Variants in UNC13C observed in about 807,000 individuals in gnomAD.
UNC13C encodes the protein unc-13 homolog C.
UNC13C carries 174 observed loss-of-function variants against 245.4 expected under a neutral mutation model. The ratio of observed to expected loss-of-function variants is 0.71; its 90% CI spans 0.63 to 0.80. UNC13C has a LOEUF of 0.80. Among genes scored for constraint, UNC13C ranks in the 30% least tolerant of loss-of-function variants. The pLI is 0.00. For missense variants in UNC13C, 2,829 were observed against 2,602.9 expected (o/e 1.09, Z -1.89); for synonymous variants, 992 against 895.1 (o/e 1.11, Z -1.93).
At chr15:54,164,482 A>G (rs1030755000) in intron 4 of UNC13C, among the ~76,000 whole-genome samples, 5 of 152,178 alleles carry the variant, frequency 3.3e-5, no homozygotes, top group African/African-American at 1.2e-4. Context: ...GATGCTATAA[A>G]TAAGTAAAAA....
chr15:54,071,511 T>C (rs748790512), intron 2 of UNC13C, among the ~76,000 whole-genome samples: 2 of 152,080 alleles, frequency 1.3e-5, no homozygotes, highest in African/African-American at 4.8e-5. Flanking sequence ...AGAGGTACCA[T>C]ACACAAAAAA....
intron 30 of UNC13C, among the ~76,000 whole-genome samples, chr15:54,600,115 C>A (rs1272703333): frequency 6.6e-6 from 1 of 152,076 alleles, no homozygotes; most frequent in African/African-American, 2.4e-5. Flanking sequence ...CATTCCTACT[C>A]TCCAGAGTAG....
At chr15:53,922,450 A>G in the UNC13C span, among the ~76,000 whole-genome samples, 20 of 152,260 alleles carry the variant, frequency 1.3e-4, no homozygotes, top group Non-Finnish European at 1.5e-5. Flanking sequence ...CAATGGGGGC[A>G]AATGGCTAAT....
At chr15:54,553,600 G>T (rs866430929) in intron 28 of UNC13C, among the ~76,000 whole-genome samples, 3 of 149,672 alleles carry the variant, frequency 2.0e-5, no homozygotes, top group Non-Finnish European at 3.0e-5. Flanking sequence ...TCAGGAACTG[G>T]TGATATAATA....
chr15:54,042,165 G>T (rs1394737697), intron 2 of UNC13C, among the ~76,000 whole-genome samples: 4 of 152,088 alleles, frequency 2.6e-5, no homozygotes, highest in African/African-American at 9.7e-5. Flanking sequence ...CCAAGATAAG[G>T]AATACTCAAC....
At chr15:54,453,159 C>T (rs1891276902) in intron 19 of UNC13C, among the ~76,000 whole-genome samples, 1 of 152,160 alleles carries the variant, frequency 6.6e-6, no homozygotes. Flanking sequence ...CTGTTTATCT[C>T]CGTGCCCACA....
At chr15:53,901,330 C>G in the UNC13C span, among the ~76,000 whole-genome samples, 8 of 151,352 alleles carry the variant, frequency 5.3e-5, no homozygotes, top group Non-Finnish European at 2.9e-5. Flanking sequence ...TGCCATTCTC[C>G]TGCTTCAGCC....
chr15:54,460,916 G>T (rs570318873), intron 19 of UNC13C, among the ~76,000 whole-genome samples: 1 of 152,158 alleles, frequency 6.6e-6, no homozygotes, highest in East Asian at 1.9e-4. Context: ...TGTTGTAATA[G>T]TTATAAATTA....
intron 4 of UNC13C, among the ~76,000 whole-genome samples, chr15:54,187,664 T>A (rs561219186): frequency 1.2e-4 from 19 of 152,286 alleles, no homozygotes; most frequent in African/African-American, 4.3e-4. Context: ...ACAACATGAT[T>A]TTTTTCTATA....
At chr15:54,591,356 A>T (rs1289037868) in intron 30 of UNC13C, among the ~76,000 whole-genome samples, 1 of 152,126 alleles carries the variant, frequency 6.6e-6, no homozygotes, top group Non-Finnish European at 1.5e-5. Flanking sequence ...ATAGTGTCAA[A>T]AGGATTGGTA....
chr15:54,452,903 T>A (rs1359187828), intron 19 of UNC13C, among the ~76,000 whole-genome samples: 1 of 152,180 alleles, frequency 6.6e-6, no homozygotes, highest in Admixed American at 6.5e-5. Context: ...GTGGCTCACA[T>A]TTAGCCCAGG....
intron 32 of UNC13C, among the ~76,000 whole-genome samples, 190 bp downstream of exon 32, chr15:54,624,144 T>TATCATAGGAGGTGTCTGAATCA (rs532081195): frequency 1.9e-3 from 294 of 152,294 alleles, no homozygotes; most frequent in African/African-American, 6.9e-3. Context: ...TAGGTGTATA[T>TATCATAGGAGGTGTCTGAATCA]ATCATAGGAG....
intron 17 of UNC13C, among the ~76,000 whole-genome samples, chr15:54,348,470 A>C (rs902789614): frequency 2.0e-5 from 3 of 152,186 alleles, no homozygotes; most frequent in Non-Finnish European, 4.4e-5. Flanking sequence ...TGCAGAGATC[A>C]ATTAATGCTT....
At chr15:54,252,217 C>A (rs959287322) in intron 8 of UNC13C, among the ~76,000 whole-genome samples, 1 of 151,954 alleles carries the variant, frequency 6.6e-6, no homozygotes, top group East Asian at 1.9e-4. Flanking sequence ...AAAAATGATG[C>A]CACTCATACC....
chr15:53,893,861 C>A, the UNC13C span, among the ~76,000 whole-genome samples: 1 of 152,146 alleles, frequency 6.6e-6, no homozygotes, highest in Non-Finnish European at 1.5e-5. Flanking sequence ...GGGGAGTGAA[C>A]GGTTCCGTCT....
chr15:54,161,618 A>G (rs1008881399), intron 4 of UNC13C, among the ~76,000 whole-genome samples: 2 of 152,074 alleles, frequency 1.3e-5, no homozygotes, highest in Admixed American at 1.3e-4. Context: ...TTTGTTTTAT[A>G]TTAGATACAG....
intron 1 of UNC13C, among the ~76,000 whole-genome samples, chr15:53,995,860 T>C (rs775480098): frequency 1.3e-5 from 2 of 151,874 alleles, no homozygotes; most frequent in African/African-American, 2.4e-5. Flanking sequence ...TGGTGAGAGG[T>C]TGGAGATGAA....
At chr15:54,030,639 C>T (rs1296104563) in intron 2 of UNC13C, among the ~76,000 whole-genome samples, 2 of 152,144 alleles carry the variant, frequency 1.3e-5, no homozygotes, top group African/African-American at 4.8e-5. Flanking sequence ...ATATCTGAGA[C>T]AGGGTAATTT....
intron 30 of UNC13C, among the ~76,000 whole-genome samples, chr15:54,611,980 A>T (rs745639431): frequency 1.3e-5 from 2 of 152,070 alleles, no homozygotes; most frequent in African/African-American, 2.4e-5. Flanking sequence ...TGTTGCACTG[A>T]TCACATGGAT....
Sources: allele counts gnomAD v4.1 joint callset (sites outside exome capture counted in the v4.1 genomes callset), GRCh38; gene constraint gnomAD v4.1.1; transcripts MANE v1.5; gene names NCBI Gene and HGNC (gene_info 2026-07-23, HGNC 2026-07-21).